The following MGMT variants were observed in gnomAD, a reference collection of about 807,000 sequenced individuals.
MGMT encodes methylated-DNA--protein-cysteine methyltransferase.
Under a neutral mutation model 15.9 loss-of-function variants are expected in MGMT, and 14 were observed. The ratio of observed to expected loss-of-function variants is 0.88; its 90% CI spans 0.58 to 1.37. The LOEUF is 1.37. Ranked by LOEUF, MGMT falls within the 40% of genes most tolerant of loss-of-function variation. The pLI is 0.00. For synonymous variants in MGMT, 130 were observed against 118.2 expected (o/e 1.10, Z -0.65); for missense variants, 282 against 268.1 (o/e 1.05, Z -0.36).
chr10:129,563,666 G>A (rs1233992412), intron 2 of MGMT: 1 of 152,212 alleles, frequency 6.6e-6, no homozygotes, highest in East Asian at 1.9e-4. Flanking sequence ...ACAGTGCTGG[G>A]AGAGAGCGGA....
chr10:129,488,145 G>T (rs1244220273), intron 1 of MGMT, among the ~76,000 whole-genome samples: 1 of 151,942 alleles, frequency 6.6e-6, no homozygotes, highest in African/African-American at 2.4e-5. Flanking sequence ...TAGAATGATT[G>T]GAGTGTCAGT....
At chr10:129,553,429 GC>G (rs1846180172) in intron 2 of MGMT, among the ~76,000 whole-genome samples, 1 of 152,170 alleles carries the variant, frequency 6.6e-6, no homozygotes, top group Admixed American at 6.5e-5. Context: ...ACCCTCTCTG[GC>G]CCCCAGCACC....
intron 3 of MGMT, among the ~76,000 whole-genome samples, chr10:129,719,552 G>A (rs974266804): frequency 3.3e-5 from 5 of 152,152 alleles, no homozygotes; most frequent in African/African-American, 1.2e-4. Flanking sequence ...TGCTTGCCCT[G>A]CAGATGGCCG....
chr10:129,657,699 A>G (rs564511955), intron 2 of MGMT, among the ~76,000 whole-genome samples: 1,326 of 124,832 alleles, frequency 0.011, 34 homozygotes, highest in African/African-American at 0.041. Context: ...ACACACACAC[A>G]CACACACGCA....
chr10:129,672,042 T>C (rs1847730651), intron 2 of MGMT, among the ~76,000 whole-genome samples: 1 of 152,278 alleles, frequency 6.6e-6, no homozygotes, highest in South Asian at 2.1e-4. Flanking sequence ...ACATGAATAC[T>C]TGTTTTGGAA....
intron 2 of MGMT, among the ~76,000 whole-genome samples, chr10:129,625,742 T>C (rs12773817): frequency 1.5e-5 from 2 of 137,040 alleles, no homozygotes; most frequent in African/African-American, 5.8e-5. Context: ...TGTGCGTGTG[T>C]GTGCATGCAT....
At chr10:129,684,699 C>G (rs1305811423) in intron 2 of MGMT, among the ~76,000 whole-genome samples, 1 of 152,198 alleles carries the variant, frequency 6.6e-6, no homozygotes, top group Admixed American at 6.5e-5. Flanking sequence ...TAGAGACATC[C>G]ACAGGAAAGG....
intron 2 of MGMT, among the ~76,000 whole-genome samples, chr10:129,675,175 G>A (rs1012014759): frequency 2.6e-5 from 4 of 152,240 alleles, no homozygotes; most frequent in African/African-American, 9.6e-5. Flanking sequence ...CCAGGCGGGA[G>A]CAAGGGCCCA....
intron 2 of MGMT, among the ~76,000 whole-genome samples, chr10:129,649,669 T>C (rs1847434951): frequency 6.6e-6 from 1 of 152,198 alleles, no homozygotes; most frequent in South Asian, 2.1e-4. Context: ...GACCATGGAC[T>C]ACAGGGCCCA....
intron 1 of MGMT, among the ~76,000 whole-genome samples, chr10:129,469,810 G>A (rs1845210402): frequency 6.6e-6 from 1 of 152,158 alleles, no homozygotes; most frequent in Non-Finnish European, 1.5e-5. Flanking sequence ...GGGCTCAAGC[G>A]AACCTCCTGC....
intron 2 of MGMT, among the ~76,000 whole-genome samples, chr10:129,625,896 T>A (rs1468980493): frequency 6.6e-6 from 1 of 152,202 alleles, no homozygotes; most frequent in East Asian, 1.9e-4. Context: ...TTTCTCTAAA[T>A]CCCTTTTTGA....
At chr10:129,547,830 A>G (rs1846113720) in intron 2 of MGMT, among the ~76,000 whole-genome samples, 1 of 152,274 alleles carries the variant, frequency 6.6e-6, no homozygotes, top group African/African-American at 2.4e-5. Context: ...TGCTCATTCT[A>G]GAGGCATCTT....
chr10:129,482,587 T>G (rs1258552154), intron 1 of MGMT, among the ~76,000 whole-genome samples: 1 of 152,204 alleles, frequency 6.6e-6, no homozygotes, highest in Non-Finnish European at 1.5e-5. Flanking sequence ...TTTCATTAGG[T>G]GCATACATGT....
At chr10:129,599,175 G>A (rs752360503) in intron 2 of MGMT, among the ~76,000 whole-genome samples, 15 of 152,194 alleles carry the variant, frequency 9.9e-5, no homozygotes, top group Non-Finnish European at 1.5e-4. Flanking sequence ...TGGTTACAGC[G>A]TTTGCCTTAT....
chr10:129,546,285 G>A (rs897910331), intron 2 of MGMT, among the ~76,000 whole-genome samples: 14 of 152,210 alleles, frequency 9.2e-5, no homozygotes, highest in Non-Finnish European at 8.8e-5. Flanking sequence ...TGAGATTGGT[G>A]AATTCCTCAA....
chr10:129,766,448 A>G (rs1848935931), intron 4 of MGMT, among the ~76,000 whole-genome samples: 1 of 152,204 alleles, frequency 6.6e-6, no homozygotes, highest in Non-Finnish European at 1.5e-5. Context: ...CGTAGTTTTC[A>G]GTTTTGTAAG....
intron 1 of MGMT, among the ~76,000 whole-genome samples, chr10:129,479,486 G>A (rs995604305): frequency 5.3e-5 from 8 of 151,994 alleles, no homozygotes; most frequent in African/African-American, 1.7e-4. Flanking sequence ...AAAGTATTCT[G>A]CTCGTTTTTT....
rs184186894 is a variant in MGMT, at chr10:129,592,540, G to A, written c.125+56163G>A. Among the ~76,000 whole-genome samples, 215 of 152,312 alleles carry A rather than the reference G, an allele frequency of 1.4e-3. 2 individuals are homozygous for A. The highest frequency in any genetic ancestry group is 5.0e-3 in the African/African-American group (206 of 41,568). On this transcript the variant is annotated intron_variant, in intron 2 of 4. Coordinates refer to ENST00000651593, the MANE Select transcript of MGMT (RefSeq NM_002412.5). ...TAGGTGAATGGATTTTAATGGAACC[G>A]TGCAGACAGTTGATTCGGAAGGCTT...
At chr10:129,622,222 CA>C (rs1053187174) in intron 2 of MGMT, among the ~76,000 whole-genome samples, 7 of 152,210 alleles carry the variant, frequency 4.6e-5, no homozygotes, top group African/African-American at 1.7e-4. Context: ...GAATGATTAG[CA>C]GTATGTTGCC....
Sources: gnomAD v4.1 joint callset for allele counts (sites outside exome capture counted in the v4.1 genomes callset) on GRCh38, gnomAD v4.1.1 for gene constraint, MANE v1.5 for transcripts, NCBI Gene and HGNC (gene_info 2026-07-23, HGNC 2026-07-21) for gene names.